RAB11FIP3: variants seen among roughly 807,000 people sequenced by gnomAD.
RAB11FIP3 encodes RAB11 family interacting protein 3.
RAB11FIP3 carries 17 observed loss-of-function variants against 77.8 expected under a neutral mutation model. The ratio of observed to expected loss-of-function variants is 0.22; its 90% CI spans 0.15 to 0.33. The LOEUF (loss-of-function observed/expected upper bound fraction) is 0.33, where lower values mean the gene tolerates loss of function less well. Among genes scored for constraint, RAB11FIP3 ranks in the 10% least tolerant of loss-of-function variants. RAB11FIP3 has a pLI of 1.00. For missense variants in RAB11FIP3, 1,005 were observed against 1,011.2 expected (o/e 0.99, Z 0.08); for synonymous variants, 437 against 448.2 (o/e 0.98, Z 0.31).
At chr16:452,945 G>A (rs1242304930) in intron 1 of RAB11FIP3, among the ~76,000 whole-genome samples, 22 of 57,766 alleles carry the variant, frequency 3.8e-4, no homozygotes, top group East Asian at 1.4e-3. Context: ...TAGTAGAGAT[G>A]GGGTTTCACC....
chr16:449,476 A>G (rs759369359), intron 1 of RAB11FIP3, among the ~76,000 whole-genome samples: 8 of 151,832 alleles, frequency 5.3e-5, no homozygotes, highest in Non-Finnish European at 1.0e-4. Context: ...GCTACGATGG[A>G]GTCTTAAGTT....
chr16:426,257 A>G lies in RAB11FIP3; in HGVS notation c.251A>G (p.Asp84Gly). Reference sequence around the variant, plus strand: ...CCGGGGCTGGAGGGAGGCCCGCGAGACCCCGGGCCGTCCGCCCCGCCGCCG... The same window carrying G: ...CCGGGGCTGGAGGGAGGCCCGCGAGGCCCCGGGCCGTCCGCCCCGCCGCCG... ...PAPGLEGGPR[D>G]PGPSAPPPRS... Residue 84 changes from aspartate (D) to glycine (G), a missense_variant, in exon 1 of 14, where the codon GAC becomes GGC. This residue lies in a region of RAB11FIP3 where 466 missense variants were observed against 408.3 expected (regional missense o/e 1.14). Transcript: ENST00000262305. This position sits in a 1 kb window ranked among gnomAD's most constrained non-coding sequence, Gnocchi z 5.0. The G allele has an allele frequency of 8.7e-7, 1 of 1,155,830 alleles. No homozygotes were observed. The highest frequency in any genetic ancestry group is 4.1e-5 in the East Asian group (1 of 24,288). The allele number at this position is 1,155,830 out of a possible 1,614,324, so 71.6% of individuals were successfully genotyped here.
At chr16:515,448 A>G (rs1482066485) in intron 9 of RAB11FIP3, among the ~76,000 whole-genome samples, 20 of 152,120 alleles carry the variant, frequency 1.3e-4, no homozygotes. Context: ...GCCAGCAGCT[A>G]CACCGGTGTT....
intron 8 of RAB11FIP3, 173 bp from the exon 9 acceptor site, chr16:510,487 G>T (rs1269974858): frequency 5.7e-6 from 4 of 699,950 alleles, no homozygotes; most frequent in African/African-American, 1.8e-5. Context: ...CCATCTGGGG[G>T]TGTATTCGCT....
chr16:429,665 A>G (rs1410114691), intron 1 of RAB11FIP3, among the ~76,000 whole-genome samples: 1 of 151,622 alleles, frequency 6.6e-6, no homozygotes, highest in South Asian at 2.1e-4. Context: ...ACACCTGGCT[A>G]TTTTTTGTAT....
intron 1 of RAB11FIP3, among the ~76,000 whole-genome samples, chr16:436,058 C>G (rs1465216973): frequency 1.3e-5 from 2 of 152,092 alleles, no homozygotes; most frequent in South Asian, 2.1e-4. Flanking sequence ...CACCTGTAAT[C>G]CCAGCACTTT....
chr16:501,834 G>T (rs1320309408), intron 6 of RAB11FIP3, among the ~76,000 whole-genome samples: 24 of 150,998 alleles, frequency 1.6e-4, no homozygotes, highest in African/African-American at 5.1e-4. Flanking sequence ...AGACAAGGAA[G>T]TTCGGAGAGG....
At chr16:518,696 A>C (rs1328685752) in intron 9 of RAB11FIP3, among the ~76,000 whole-genome samples, 2 of 151,890 alleles carry the variant, frequency 1.3e-5, no homozygotes, top group African/African-American at 4.9e-5. Flanking sequence ...ACTGCACTCC[A>C]GCCTGGTGAC....
intron 1 of RAB11FIP3, among the ~76,000 whole-genome samples, chr16:439,997 C>T (rs56244905): frequency 1.3e-5 from 2 of 151,888 alleles, no homozygotes; most frequent in African/African-American, 2.4e-5. Context: ...GTGCCTGCCT[C>T]GTCTGGCTAA....
chr16:483,340 G>T (rs914289579), intron 4 of RAB11FIP3, among the ~76,000 whole-genome samples: 2 of 152,186 alleles, frequency 1.3e-5, no homozygotes, highest in Non-Finnish European at 2.9e-5. Flanking sequence ...TCAGCCTCAG[G>T]CGTTGCTCAG....
At chr16:462,843 A>C (rs1280181485) in intron 2 of RAB11FIP3, among the ~76,000 whole-genome samples, 2 of 139,430 alleles carry the variant, frequency 1.4e-5, no homozygotes, top group African/African-American at 5.5e-5. Context: ...CCCCAGCACC[A>C]TCCCTTCCCC....
At chr16:464,966 C>T (rs2055677276) in intron 2 of RAB11FIP3, among the ~76,000 whole-genome samples, 1 of 152,140 alleles carries the variant, frequency 6.6e-6, no homozygotes, top group South Asian at 2.1e-4. Context: ...ATCTTTATGA[C>T]ACTGATGCTT....
intron 9 of RAB11FIP3, among the ~76,000 whole-genome samples, chr16:513,835 C>T (rs1270928157): frequency 2.0e-5 from 3 of 152,176 alleles, no homozygotes; most frequent in Non-Finnish European, 4.4e-5. Context: ...TGCAGTGGGG[C>T]GCCGTCTTCT....
rs959089426 is a variant in RAB11FIP3 at position 522,255 on chromosome 16, T to C, written c.*1416T>C. The C allele has an allele frequency of 1.4e-5, 2 of 146,680 alleles. No homozygotes were observed. Among genetic ancestry groups the C allele is most frequent in the African/African-American group, 5.0e-5 (2 of 40,210 alleles). 9.1% of individuals were successfully genotyped at this position (146,680 alleles called of 1,614,324 possible). ...TGTGTATACACATGAAATATATATA[T>C]ATATATATATATATATATGTATAAT... On this transcript the variant is annotated 3_prime_UTR_variant, in exon 14 of 14. Transcript: ENST00000262305.
intron 6 of RAB11FIP3, 116 bp downstream of exon 6, chr16:496,975 T>G: frequency 8.9e-6 from 10 of 1,129,516 alleles, no homozygotes; most frequent in East Asian, 2.7e-5. Context: ...CTCTTGCAAG[T>G]TACTTTACAT....
chr16:494,054 T>C (rs146394800), intron 5 of RAB11FIP3, among the ~76,000 whole-genome samples: 35,745 of 75,790 alleles, frequency 0.47, 8,713 homozygotes, highest in African/African-American at 0.62. Flanking sequence ...CAGGCGCCCA[T>C]CACCACACCT....
chr16:458,879 A>G (rs2055554938), intron 1 of RAB11FIP3, among the ~76,000 whole-genome samples: 1 of 152,152 alleles, frequency 6.6e-6, no homozygotes, highest in Non-Finnish European at 1.5e-5. Flanking sequence ...TCATTATGGA[A>G]GAGTTCAAAC....
rs74782043 is a variant in RAB11FIP3 at position 476,519 on chromosome 16, C to T, written c.903+5130C>T. Among the ~76,000 whole-genome samples, 860 of 152,268 alleles carry T rather than the reference C, an allele frequency of 5.6e-3. 10 individuals carry two copies. The highest frequency in any genetic ancestry group is 0.02 in the African/African-American group (833 of 41,556). Reference sequence around the variant, plus strand: ...GTTTGAGAGAAGGTGTGGGTTTGTTCTTAGAAACATCATGCTTTCTGTTGG... The same window carrying T: ...GTTTGAGAGAAGGTGTGGGTTTGTTTTTAGAAACATCATGCTTTCTGTTGG... On this transcript the variant is annotated intron_variant, in intron 3 of 13. Transcript: ENST00000262305.
chr16:503,443 C>A (rs545455600), intron 7 of RAB11FIP3, among the ~76,000 whole-genome samples: 1 of 152,120 alleles, frequency 6.6e-6, no homozygotes, highest in African/African-American at 2.4e-5. Context: ...CATGGAGACG[C>A]GACCTGGGGC....
Sources: allele counts gnomAD v4.1 joint callset (sites outside exome capture counted in the v4.1 genomes callset), GRCh38; gene constraint gnomAD v4.1.1; regional missense constraint gnomAD v4.1.1; non-coding constraint Gnocchi (gnomAD v3.1); transcripts MANE v1.5; gene names NCBI Gene and HGNC (gene_info 2026-07-23, HGNC 2026-07-21).